Variants in GABRA2 observed in about 807,000 individuals in gnomAD.
The protein encoded by GABRA2 is gamma-aminobutyric acid receptor subunit alpha-2.
GABRA2 carries 16 observed loss-of-function variants against 48.7 expected under a neutral mutation model. The ratio of observed to expected loss-of-function variants is 0.33; its 90% CI spans 0.22 to 0.50. GABRA2 has a LOEUF of 0.50. Ranked by LOEUF, GABRA2 falls within the 20% of genes least tolerant of loss-of-function variation. The pLI is 0.98. For synonymous variants in GABRA2, 185 were observed against 184.5 expected, an observed-to-expected ratio of 1.00 and a Z score of -0.02; for missense variants, 275 against 535.6, an observed-to-expected ratio of 0.51 and a Z score of 4.80.
Position 46,248,806 on chromosome 4 carries a change from C to T in GABRA2, c.*1502G>A, listed in dbSNP as rs920806475. On this transcript the variant is annotated 3_prime_UTR_variant, in exon 10 of 10. Transcript: ENST00000381620. Reference sequence around the variant, plus strand: ...CTACAAAAACACCATCGTAAAGGTGCATGTTTTAGTAAAAGTCAACTAATA... The same window carrying T: ...CTACAAAAACACCATCGTAAAGGTGTATGTTTTAGTAAAAGTCAACTAATA... 2 of 151,380 alleles carry T rather than the reference C, an allele frequency of 1.3e-5. No homozygotes were observed. Among genetic ancestry groups the T allele is most frequent in the Non-Finnish European group, 3.0e-5 (2 of 67,650 alleles). 9.4% of individuals were successfully genotyped at this position (151,380 alleles called of 1,614,324 possible).
intron 3 of GABRA2, among the ~76,000 whole-genome samples, chr4:46,347,561 C>T (rs1026430957): frequency 2.0e-5 from 3 of 151,794 alleles, no homozygotes; most frequent in Admixed American, 1.3e-4. Context: ...TGAAATTGGA[C>T]CCTTATCTTA....
intron 6 of GABRA2, among the ~76,000 whole-genome samples, chr4:46,307,667 T>G (rs1376690753): frequency 6.6e-6 from 1 of 152,080 alleles, no homozygotes; most frequent in African/African-American, 2.4e-5. Flanking sequence ...GATTAATATA[T>G]TAAGTCATAA....
At chr4:46,324,904 T>A (rs144010044) in intron 4 of GABRA2, among the ~76,000 whole-genome samples, 2 of 152,016 alleles carry the variant, frequency 1.3e-5, no homozygotes, top group Non-Finnish European at 2.9e-5. Context: ...AATTTCATTA[T>A]TTTTTATGGC....
chr4:46,252,759 A>G (rs1470694753), intron 9 of GABRA2, among the ~76,000 whole-genome samples: 1 of 151,478 alleles, frequency 6.6e-6, no homozygotes, highest in Non-Finnish European at 1.5e-5. Context: ...TATTATTTAA[A>G]CCAAATTGAA....
At chr4:46,338,881 G>A (rs902097445) in intron 3 of GABRA2, among the ~76,000 whole-genome samples, 1 of 151,842 alleles carries the variant, frequency 6.6e-6, no homozygotes, top group African/African-American at 2.4e-5. Context: ...AGAAAGGTTG[G>A]ACCAGTTTTC....
In GABRA2 at chr4:46,351,368, A is replaced by G. The variant is rs144320633; in HGVS notation, c.188-18686T>C. Among the ~76,000 whole-genome samples the G allele has an allele frequency of 3.5e-3, 534 of 152,142 alleles. 1 individual carries two copies. The highest frequency in any genetic ancestry group is 0.012 in the African/African-American group (486 of 41,550). On this transcript the variant is annotated intron_variant, in intron 3 of 9. Coordinates refer to ENST00000381620, the MANE Select transcript of GABRA2 (RefSeq NM_000807.4). ...TTAAGCTAATGATTGAATGTTCTAA[A>G]AGTCCTTCAAAATTGTTTTGGAGGC...
chr4:46,386,410 T>C (rs1310777792), intron 2 of GABRA2, among the ~76,000 whole-genome samples: 1 of 152,176 alleles, frequency 6.6e-6, no homozygotes, highest in African/African-American at 2.4e-5. Context: ...AAGTTTGATG[T>C]TAACATTATT....
chr4:46,389,042 A>G, intron 1 of GABRA2: 38 of 1,080,704 alleles, frequency 3.5e-5, no homozygotes, highest in Non-Finnish European at 4.3e-5. Flanking sequence ...GCGCACACGT[A>G]ATAATAACAC....
intron 3 of GABRA2, among the ~76,000 whole-genome samples, chr4:46,338,958 T>G (rs1403608796): frequency 6.6e-6 from 1 of 151,932 alleles, no homozygotes; most frequent in Non-Finnish European, 1.5e-5. Flanking sequence ...AGATTTCTTT[T>G]CACCATCTCT....
chr4:46,338,124 C>G (rs920954638), intron 3 of GABRA2, among the ~76,000 whole-genome samples: 1 of 151,706 alleles, frequency 6.6e-6, no homozygotes, highest in Non-Finnish European at 1.5e-5. Context: ...CTGATTTTCT[C>G]AAGAGAGTGG....
intron 3 of GABRA2, among the ~76,000 whole-genome samples, chr4:46,350,839 G>T (rs1419609824): frequency 6.6e-6 from 1 of 151,778 alleles, no homozygotes; most frequent in Non-Finnish European, 1.5e-5. Flanking sequence ...GGAGGAAAAA[G>T]AAATAAGTAG....
At chr4:46,287,393 T>C (rs1030508139) in intron 8 of GABRA2, among the ~76,000 whole-genome samples, 3 of 151,924 alleles carry the variant, frequency 2.0e-5, no homozygotes, top group Non-Finnish European at 2.9e-5. Context: ...TGTCCAACAA[T>C]GATTGACTGG....
chr4:46,373,796 G>A (rs914611571), intron 3 of GABRA2, among the ~76,000 whole-genome samples: 3 of 152,058 alleles, frequency 2.0e-5, no homozygotes, highest in Non-Finnish European at 2.9e-5. Context: ...TCGAATATGT[G>A]TTGCACAATT....
intron 4 of GABRA2, among the ~76,000 whole-genome samples, chr4:46,315,906 C>A (rs279856): frequency 0.48 from 72,545 of 151,060 alleles, 18,102 homozygotes; most frequent in African/African-American, 0.61. Context: ...AGTGTACACC[C>A]TTCCCATACA....
intron 8 of GABRA2, among the ~76,000 whole-genome samples, chr4:46,284,741 T>C (rs949932026): frequency 6.6e-6 from 1 of 152,070 alleles, no homozygotes; most frequent in Non-Finnish European, 1.5e-5. Context: ...CATAAAGACC[T>C]CAGAGGTTGA....
intron 8 of GABRA2, 183 bp downstream of exon 8, chr4:46,303,277 T>C (rs1726065849): frequency 1.7e-6 from 1 of 575,282 alleles, no homozygotes; most frequent in Admixed American, 3.3e-5. Context: ...TTTCCTTATA[T>C]CCCTTATTAA....
chr4:46,288,012 C>G (rs1004409770), intron 8 of GABRA2, among the ~76,000 whole-genome samples: 1 of 152,100 alleles, frequency 6.6e-6, no homozygotes, highest in African/African-American at 2.4e-5. Context: ...CAGGGAAACA[C>G]CCCCATATAA....
At chr4:46,375,911 G>T (rs2109329172) in intron 3 of GABRA2, among the ~76,000 whole-genome samples, 1 of 152,312 alleles carries the variant, frequency 6.6e-6, no homozygotes, top group South Asian at 2.1e-4. Context: ...TATACTTACA[G>T]CTACAAAACT....
intron 6 of GABRA2, among the ~76,000 whole-genome samples, chr4:46,307,523 A>G (rs1577990949): frequency 6.6e-6 from 1 of 152,008 alleles, no homozygotes; most frequent in Non-Finnish European, 1.5e-5. Context: ...ATGAAACCCT[A>G]TAAAAGAGAT....
Sources: gnomAD v4.1 joint callset for allele counts (sites outside exome capture counted in the v4.1 genomes callset) on GRCh38, gnomAD v4.1.1 for gene constraint, MANE v1.5 for transcripts, NCBI Gene and HGNC (gene_info 2026-07-23, HGNC 2026-07-21) for gene names.